Variants in TBC1D22A observed in about 807,000 individuals in gnomAD.
TBC1D22A encodes the protein TBC1 domain family member 22A.
A neutral mutation model predicts 60.2 loss-of-function variants in TBC1D22A; 38 were observed. The observed-to-expected ratio is 0.63, with a 90% confidence interval of 0.49 to 0.83. The LOEUF is 0.83. Among genes scored for constraint, TBC1D22A ranks in the 40% least tolerant of loss-of-function variants. The pLI, the probability that TBC1D22A is intolerant of heterozygous loss-of-function variation, is 0.00. For missense variants in TBC1D22A, 628 were observed against 701.0 expected (o/e 0.90, Z 1.18); for synonymous variants, 302 against 281.7 (o/e 1.07, Z -0.72).
intron 8 of TBC1D22A, among the ~76,000 whole-genome samples, chr22:46,935,890 C>T (rs752447447): frequency 4.6e-5 from 7 of 151,706 alleles, no homozygotes; most frequent in Admixed American, 3.3e-4. Flanking sequence ...CGCGCTGTCT[C>T]CTGGCCCCTC....
intron 4 of TBC1D22A, among the ~76,000 whole-genome samples, chr22:46,878,407 C>A (rs911733257): frequency 2.3e-5 from 1 of 43,240 alleles, no homozygotes; most frequent in Non-Finnish European, 5.0e-5. Context: ...TGGGGCCTCA[C>A]GTGTTCCAGG....
chr22:46,963,991 A>G (rs1320081016), intron 8 of TBC1D22A, among the ~76,000 whole-genome samples: 2 of 152,166 alleles, frequency 1.3e-5, no homozygotes, highest in East Asian at 3.9e-4. Context: ...TGAGATGTTC[A>G]CTTGTGATAA....
At chr22:47,100,822 C>T (rs1021934028) in intron 11 of TBC1D22A, among the ~76,000 whole-genome samples, 2 of 152,144 alleles carry the variant, frequency 1.3e-5, no homozygotes, top group African/African-American at 2.4e-5. Context: ...GTGAGGTGGG[C>T]CCCTCCTCCC....
At chr22:46,997,795 C>A in intron 10 of TBC1D22A, 86 bp downstream of exon 10, 2 of 1,269,390 alleles carry the variant, frequency 1.6e-6, no homozygotes, top group Non-Finnish European at 2.3e-6. Context: ...TGTCCTCATC[C>A]GCCGGCAGCA....
At chr22:46,963,575 A>ATAAAACT (rs2073651359) in intron 8 of TBC1D22A, among the ~76,000 whole-genome samples, 1 of 152,222 alleles carries the variant, frequency 6.6e-6, no homozygotes, top group Non-Finnish European at 1.5e-5. Flanking sequence ...AACCCAAGAG[A>ATAAAACT]CAGGCCATCT....
chr22:47,118,987 A>C (rs2066173900), intron 12 of TBC1D22A, among the ~76,000 whole-genome samples: 1 of 152,146 alleles, frequency 6.6e-6, no homozygotes, highest in Non-Finnish European at 1.5e-5. Context: ...CATCTCTACT[A>C]AAAATACAAA....
intron 12 of TBC1D22A, among the ~76,000 whole-genome samples, chr22:47,132,872 C>T (rs1015211492): frequency 6.6e-6 from 1 of 152,244 alleles, no homozygotes; most frequent in African/African-American, 2.4e-5. Flanking sequence ...GAAACATAAA[C>T]TGAGCCATTG....
intron 4 of TBC1D22A, among the ~76,000 whole-genome samples, chr22:46,875,610 C>A (rs976742720): frequency 1.5e-4 from 23 of 152,064 alleles, no homozygotes; most frequent in African/African-American, 5.6e-4. Context: ...AGCCATGATG[C>A]TTGGCTAATT....
At chr22:46,782,692 G>A (rs556391202) in intron 1 of TBC1D22A, among the ~76,000 whole-genome samples, 204 of 152,260 alleles carry the variant, frequency 1.3e-3, no homozygotes, top group Non-Finnish European at 2.5e-3. Flanking sequence ...TGGCTTCAGG[G>A]ATTTGCCTGT....
In TBC1D22A at chr22:46,899,746, C is replaced by A. The variant is rs115063836; in HGVS notation, c.900+4900C>A. On this transcript the variant is annotated intron_variant, in intron 7 of 12. Transcript: ENST00000337137. ...TAAGACGTGGGTAGAGAATGCCATA[C>A]CCCCACTTTAAAGATGTGTCCCAGC... Among the ~76,000 whole-genome samples, 902 of 152,200 alleles carry A rather than the reference C, an allele frequency of 5.9e-3. 8 individuals are homozygous for A. The highest frequency in any genetic ancestry group is 0.021 in the African/African-American group (856 of 41,524).
chr22:46,964,329 A>C (rs924625330), intron 8 of TBC1D22A, among the ~76,000 whole-genome samples: 1 of 152,156 alleles, frequency 6.6e-6, no homozygotes, highest in Non-Finnish European at 1.5e-5. Context: ...CCTTCTGGGC[A>C]TGTGGAGGCC....
intron 8 of TBC1D22A, among the ~76,000 whole-genome samples, chr22:46,917,313 A>G (rs1425534992): frequency 6.6e-6 from 1 of 152,180 alleles, no homozygotes; most frequent in East Asian, 1.9e-4. Context: ...GTCTAGAGAC[A>G]CTGAGGGGTA....
chr22:47,153,158 C>A (rs915241119), intron 12 of TBC1D22A, among the ~76,000 whole-genome samples: 2 of 152,130 alleles, frequency 1.3e-5, no homozygotes, highest in African/African-American at 4.8e-5. Flanking sequence ...CATCCATAGT[C>A]CAGCCTGGCA....
Position 46,762,697 on chromosome 22 carries a change from G to A in TBC1D22A, c.-90G>A. On this transcript the variant is annotated 5_prime_UTR_variant, in exon 1 of 13. Transcript: ENST00000337137. ...CTCTGGAGTCCCGGGAGCAGTGAGG[G>A]GCCACCCGGGGCACAGGAAAGGGCC... 3 of 1,187,256 alleles carry A rather than the reference G, an allele frequency of 2.5e-6. No homozygotes were observed. Among genetic ancestry groups the A allele is most frequent in the Non-Finnish European group, 3.3e-6 (3 of 897,686 alleles). The allele number at this position is 1,187,256 out of a possible 1,614,324, so 73.5% of individuals were successfully genotyped here.
At chr22:46,791,587 A>G (rs1457848652) in intron 1 of TBC1D22A, among the ~76,000 whole-genome samples, 2 of 148,640 alleles carry the variant, frequency 1.3e-5, no homozygotes, top group African/African-American at 2.5e-5. Flanking sequence ...CTTGCCGGCT[A>G]TGAAAAATAA....
intron 7 of TBC1D22A, among the ~76,000 whole-genome samples, chr22:46,910,690 A>G (rs1823106398): frequency 6.6e-6 from 1 of 152,060 alleles, no homozygotes; most frequent in African/African-American, 2.4e-5. Context: ...TCTTCCAAAA[A>G]GAGAGTGGGG....
intron 4 of TBC1D22A, among the ~76,000 whole-genome samples, chr22:46,808,475 C>T (rs576003492): frequency 6.6e-6 from 1 of 152,296 alleles, no homozygotes; most frequent in African/African-American, 2.4e-5. Context: ...CACCTTAAAT[C>T]AGTTGCCAAG....
At position 47,129,012 on chromosome 22, in the gene TBC1D22A, C is replaced by G. The variant is rs116061116; in HGVS notation, c.1425+17409C>G. Reference sequence around the variant, plus strand: ...GGTGCATGTCTACGATGCCAGCTCACCAGGATACGTAGGCCTCTCGTTTTT... The same window carrying G: ...GGTGCATGTCTACGATGCCAGCTCAGCAGGATACGTAGGCCTCTCGTTTTT... On this transcript the variant is annotated intron_variant, in intron 12 of 12. Transcript: ENST00000337137. 5.4e-3 allele frequency among the ~76,000 whole-genome samples: 820 copies of G among 152,284 alleles called. 11 individuals carry two copies. The highest frequency in any genetic ancestry group is 0.019 in the African/African-American group (789 of 41,544).
intron 10 of TBC1D22A, among the ~76,000 whole-genome samples, chr22:47,030,509 A>G (rs770572415): frequency 6.6e-5 from 10 of 152,228 alleles, no homozygotes; most frequent in Non-Finnish European, 1.3e-4. Context: ...GTGTTCAACA[A>G]ATATTGTGGT....
Sources: gnomAD v4.1 joint callset for allele counts (sites outside exome capture counted in the v4.1 genomes callset) on GRCh38, gnomAD v4.1.1 for gene constraint, MANE v1.5 for transcripts, NCBI Gene and HGNC (gene_info 2026-07-23, HGNC 2026-07-21) for gene names.